UCKL1: variants seen among roughly 807,000 people sequenced by gnomAD.
The protein encoded by UCKL1 is uridine-cytidine kinase 1 like 1, also known as uridine-cytidine kinase-like 1.
Under a neutral mutation model 59.2 loss-of-function variants are expected in UCKL1, and 65 were observed. The observed-to-expected ratio is 1.10, with a 90% CI of 0.90 to 1.35. UCKL1 has a LOEUF of 1.35. UCKL1 is among the 40% of genes most tolerant of loss of function. The pLI is 0.00. For missense variants in UCKL1, 703 were observed against 784.3 expected (o/e 0.90, Z 1.24); for synonymous variants, 410 against 323.1 (o/e 1.27, Z -2.88).
chr20:63,951,429 C>T (rs944439908), intron 1 of UCKL1, among the ~76,000 whole-genome samples: 3 of 152,168 alleles, frequency 2.0e-5, no homozygotes, highest in Non-Finnish European at 2.9e-5. Flanking sequence ...GTGAACCCCC[C>T]GCAGCAGGAC....
Position 63,940,851 on chromosome 20 carries a change from G to T in UCKL1, c.1122C>A (p.Cys374Ter), listed in dbSNP as rs370330637. 1.9e-6 allele frequency: 3 copies of T among 1,548,208 alleles called. No homozygotes were observed. Among genetic ancestry groups the T allele is most frequent in the Non-Finnish European group, 2.6e-6 (3 of 1,146,622 alleles). The change falls in exon 11 of 15, where the codon TGC becomes TGA. Residue 374 changes from cysteine (C) to a stop codon, truncating the protein, a stop_gained. Transcript: ENST00000354216. LOFTEE classifies it high-confidence loss of function. ...HALSFLPFQD[C>*]VVQTPQGQDY... ...CCTGCCCCTGCGGGGTCTGTACGAC[G>T]CAGTCCTGTGGGGTGCAGGGTGAGG... is the stretch of plus-strand genomic sequence containing the variant.
chr20:63,944,016 G>A (rs1478470127), intron 7 of UCKL1, among the ~76,000 whole-genome samples: 1 of 152,214 alleles, frequency 6.6e-6, no homozygotes, highest in Non-Finnish European at 1.5e-5. Context: ...CTCCTGGGGT[G>A]ACCCCCTGAG....
At chr20:63,954,997 TC>T (rs1193574213) in intron 1 of UCKL1, 1 of 152,144 alleles carries the variant, frequency 6.6e-6, no homozygotes. Context: ...ACGCCTGTAA[TC>T]CCACGGAGGC....
intron 5 of UCKL1, among the ~76,000 whole-genome samples, chr20:63,945,276 C>T (rs906592210): frequency 2.0e-5 from 3 of 152,282 alleles, no homozygotes; most frequent in East Asian, 3.9e-4. Context: ...ATCAGGCCAA[C>T]CTGAGTCACA....
intron 5 of UCKL1, among the ~76,000 whole-genome samples, chr20:63,945,315 G>A (rs1304809364): frequency 6.6e-6 from 1 of 152,176 alleles, no homozygotes; most frequent in Middle Eastern, 3.2e-3. Flanking sequence ...GCCCCCTTGA[G>A]CTACAGCAAA....
intron 7 of UCKL1, 21 bp from the exon 8 acceptor site, chr20:63,943,690 G>A (rs1238180344): frequency 6.2e-7 from 1 of 1,612,572 alleles, no homozygotes; most frequent in Non-Finnish European, 8.5e-7. Context: ...AACACAGGAA[G>A]ACACAAGGGA....
Position 63,956,267 on chromosome 20 carries a change from C to CGT in UCKL1, c.105_106insAC (p.Glu36ThrfsTer83). 1 of 1,544,548 alleles carries CGT rather than the reference C, an allele frequency of 6.5e-7. No homozygotes were observed. Among genetic ancestry groups the CGT allele is most frequent in the Non-Finnish European group, 8.7e-7 (1 of 1,149,798 alleles). On this transcript the variant is annotated frameshift_variant, in exon 1 of 15. Coordinates refer to ENST00000354216, the MANE Select transcript of UCKL1 (RefSeq NM_017859.4). LOFTEE classifies it high-confidence loss of function. ...GGCGAGGCCCACGCCTACCGGTCCT[C>CGT]GCACGCGGTCTCGCTTTTCTCAGCC...
intron 3 of UCKL1, 23 bp downstream of exon 3, chr20:63,946,137 CG>C (rs2056121568): frequency 2.5e-6 from 4 of 1,610,398 alleles, no homozygotes; most frequent in Non-Finnish European, 3.4e-6. Flanking sequence ...AAGGGGTCCT[CG>C]GGGGAGCTGG....
At chr20:63,952,682 T>C (rs1276397485) in intron 1 of UCKL1, among the ~76,000 whole-genome samples, 3 of 152,230 alleles carry the variant, frequency 2.0e-5, no homozygotes. Context: ...TGCCTAAGGC[T>C]TCCTCCTTGC....
chr20:63,948,549 G>A (rs2056862825), intron 1 of UCKL1: 1 of 62,250 alleles, frequency 1.6e-5, no homozygotes, highest in African/African-American at 7.2e-5. Flanking sequence ...GCCTCGGTGT[G>A]AGGAGGGAGG....
Position 63,940,958 on chromosome 20 carries a change from G to A in UCKL1, c.1108C>T (p.Pro370Ser). Reference protein sequence around the residue: ...LLIEHALSFLPFQDCVVQTPQ... With the variant: ...LLIEHALSFLSFQDCVVQTPQ... ...GGCTACGGGCTACGAACCTGAAAGG[G>A]CAGGAAGGAGAGCGCGTGCTCGATG... The change falls in exon 10 of 15, where the codon CCC becomes TCC. Residue 370 changes from proline (P) to serine (S), a missense_variant. Physicochemically the swap from Pro to Ser is moderately conservative, Grantham distance 74. Transcript: ENST00000354216. 6.6e-7 allele frequency: 1 copy of A among 1,523,444 alleles called. No individual in the cohort carries two copies. The highest frequency in any genetic ancestry group is 8.8e-7 in the Non-Finnish European group (1 of 1,133,882). 94.4% of individuals were successfully genotyped at this position (1,523,444 alleles called of 1,614,324 possible).
rs139792184 is a variant in UCKL1, at chr20:63,950,907, G to A, written c.114-4264C>T. 1.0e-4 allele frequency: 146 copies of A among 1,409,902 alleles called. No homozygotes were observed. The East Asian group carries it at 2.7e-3, about 26-fold the overall frequency. 87.3% of individuals were successfully genotyped at this position (1,409,902 alleles called of 1,614,324 possible). ...CGTGGGGGCTCAGGCGCAGGCAGCCGTGGGGGACATCACCACCTCAGACCC... is the reference window on the plus strand; with the variant it reads ...CGTGGGGGCTCAGGCGCAGGCAGCCATGGGGGACATCACCACCTCAGACCC... On this transcript the variant is annotated intron_variant, in intron 1 of 14. Coordinates refer to ENST00000354216, the MANE Select transcript of UCKL1 (RefSeq NM_017859.4).
intron 1 of UCKL1, chr20:63,948,616 GGGCGTGTGTGAGAGGGAA>G (rs2056966707): frequency 2.2e-5 from 3 of 138,082 alleles, no homozygotes; most frequent in African/African-American, 5.7e-5. Flanking sequence ...TGAGAGGGAG[GGGCGTGTGTGAGAGGGAA>G]GGGGCGTGTG....
chr20:63,952,804 A>C (rs918590792), intron 1 of UCKL1, among the ~76,000 whole-genome samples: 1 of 152,114 alleles, frequency 6.6e-6, no homozygotes, highest in Admixed American at 6.5e-5. Flanking sequence ...GCACAGTCGA[A>C]TGTGGCTCAG....
In UCKL1 at chr20:63,944,908, G is replaced by A. The variant is rs187812453; in HGVS notation, c.655-174C>T. On this transcript the variant is annotated intron_variant, in intron 5 of 14. Coordinates refer to ENST00000354216, the MANE Select transcript of UCKL1 (RefSeq NM_017859.4). ...AGGTGGGGGTGTCTGCACCTGGTCC[G>A]TGGGCCTGGCCCGAGCCACTTCCCC... 2.4e-3 allele frequency among the ~76,000 whole-genome samples: 367 copies of A among 152,210 alleles called. 1 individual carries two copies. Among genetic ancestry groups the A allele is most frequent in the African/African-American group, 8.4e-3 (350 of 41,542 alleles).
At chr20:63,952,278 C>G (rs560259221) in intron 1 of UCKL1, among the ~76,000 whole-genome samples, 70 of 152,340 alleles carry the variant, frequency 4.6e-4, no homozygotes, top group Admixed American at 4.4e-3. Context: ...ACTGGTCTTG[C>G]CTGGCATGGG....
At chr20:63,943,279 G>A (rs1333792936) in intron 8 of UCKL1, among the ~76,000 whole-genome samples, 3 of 152,234 alleles carry the variant, frequency 2.0e-5, no homozygotes, top group Non-Finnish European at 4.4e-5. Flanking sequence ...AGGAGGTACA[G>A]CAGGCTCCCT....
intron 1 of UCKL1, 140 bp downstream of exon 1, chr20:63,956,120 T>G: frequency 6.6e-5 from 52 of 783,044 alleles, no homozygotes; most frequent in Non-Finnish European, 7.3e-5. Flanking sequence ...ACCCGGCACG[T>G]GGGAGAACGG....
chr20:63,950,763 C>T lies in UCKL1; in HGVS notation c.114-4120G>A, dbSNP rs760083748. On this transcript the variant is annotated intron_variant, in intron 1 of 14. Coordinates refer to ENST00000354216, the MANE Select transcript of UCKL1 (RefSeq NM_017859.4). Reference sequence around the variant, plus strand: ...AGACCTCCAGTCGAGACTCACCTGCCTTCTGCTCCAAGGGCCCGGCACCCT... The same window carrying T: ...AGACCTCCAGTCGAGACTCACCTGCTTTCTGCTCCAAGGGCCCGGCACCCT... 1.4e-5 allele frequency: 21 copies of T among 1,537,212 alleles called. No homozygotes were observed. The South Asian group carries it at 2.4e-4, about 18-fold the overall frequency.
Sources: gnomAD v4.1 joint callset for allele counts (sites outside exome capture counted in the v4.1 genomes callset) on GRCh38, gnomAD v4.1.1 for gene constraint, MANE v1.5 for transcripts, NCBI Gene and HGNC (gene_info 2026-07-23, HGNC 2026-07-21) for gene names.